Variants in MOCOS observed in about 807,000 individuals in gnomAD.
The protein encoded by MOCOS is molybdenum cofactor sulfurase, also known as human molybdenum cofactor sulfurase.
In MOCOS, 86 loss-of-function variants were observed where a neutral mutation model predicts 83.6. That is an observed-to-expected ratio of 1.03 (90% confidence interval 0.86 to 1.23). The LOEUF is 1.23. MOCOS is among the 50% of genes most tolerant of loss of function. MOCOS has a pLI of 0.00. For synonymous variants in MOCOS, 445 were observed against 434.7 expected (o/e 1.02, Z -0.29); for missense variants, 1,120 against 1,126.9 (o/e 0.99, Z 0.09).
chr18:36,224,716 G>C (rs955882408), intron 9 of MOCOS, among the ~76,000 whole-genome samples: 2 of 152,164 alleles, frequency 1.3e-5, no homozygotes, highest in Non-Finnish European at 2.9e-5. Context: ...ATTCGTCAGG[G>C]ATATTGGCCT....
In MOCOS at chr18:36,187,510, C is replaced by A. The variant is rs745439120; in HGVS notation, c.-30C>A. On this transcript the variant is annotated 5_prime_UTR_variant, in exon 1 of 15. Transcript: ENST00000261326. ...GGCCGGCTTCGCGCACTTCCCGGGC[C>A]CGGCCGGCCTGGATGGACTAGCCGG... The A allele has an allele frequency of 8.1e-7, 1 of 1,228,786 alleles. No individual in the cohort carries two copies. The highest frequency in any genetic ancestry group is 1.0e-6 in the Non-Finnish European group (1 of 985,488). The allele number at this position is 1,228,786 out of a possible 1,614,324, so 76.1% of individuals were successfully genotyped here. A position where few individuals can be genotyped will look rare whatever the true frequency, so the allele number is the denominator to read the frequency against.
In MOCOS at chr18:36,215,944, T is replaced by C. The variant is rs2091475156; in HGVS notation, c.1764T>C (p.Tyr588=). ...GGCCACATGTTGTCACTAACCTTTA[T>C]CTCTATCCAATCAAATCCTGTGCTG... ...ALGPHVVTNL[Y]LYPIKSCAAF... Residue 588 remains tyrosine, a synonymous_variant, in exon 8 of 15, where the codon TAT becomes TAC. Transcript: ENST00000261326. The C allele has an allele frequency of 6.2e-7, 1 of 1,613,560 alleles. No individual in the cohort carries two copies. Among genetic ancestry groups the C allele is most frequent in the South Asian group, 1.1e-5 (1 of 91,078 alleles).
intron 13 of MOCOS, 29 bp downstream of exon 13, chr18:36,260,204 C>A (rs1401878863): frequency 4.3e-6 from 7 of 1,613,826 alleles, no homozygotes; most frequent in Non-Finnish European, 5.9e-6. Flanking sequence ...TATTATCCTT[C>A]CTCCAGGGTT....
chr18:36,219,027 C>A (rs930960247), intron 8 of MOCOS, among the ~76,000 whole-genome samples: 15 of 150,430 alleles, frequency 1.0e-4, no homozygotes, highest in Non-Finnish European at 1.8e-4. Context: ...TGCCATCAAG[C>A]CCGGCTAATT....
In MOCOS at chr18:36,251,239, A is replaced by T. The variant is rs1452284384; in HGVS notation, c.2120A>T (p.Gln707Leu). The T allele has an allele frequency of 1.4e-5, 23 of 1,614,024 alleles. No homozygotes were observed. Among genetic ancestry groups the T allele is most frequent in the Non-Finnish European group, 1.9e-5 (23 of 1,179,966 alleles). The change falls in exon 11 of 15, where the codon CAA becomes CTA. Residue 707 changes from glutamine (Q) to leucine (L), a missense_variant. Physicochemically the swap from Gln to Leu is moderately radical, Grantham distance 113 (BLOSUM62 -2). Coordinates refer to ENST00000261326, the MANE Select transcript of MOCOS (RefSeq NM_017947.4). ...GGCCGTCCTTGTCATTTGATCAAAC[A>T]AAGTTCAAACTCTCAAAGGAATGCA... ...FFGRPCHLIK[Q>L]SSNSQRNAKK...
rs923318599 is a variant in MOCOS at position 36,231,795 on chromosome 18, C to A, written c.1960+11578C>A. On this transcript the variant is annotated intron_variant, in intron 9 of 14. Transcript: ENST00000261326. Reference sequence around the variant, plus strand: ...AATAATTTACAGAGTGTCCCTGGGGCCTTGGATGTGATCGCCCCCATTCAG... The same window carrying A: ...AATAATTTACAGAGTGTCCCTGGGGACTTGGATGTGATCGCCCCCATTCAG... 1.1e-4 allele frequency among the ~76,000 whole-genome samples: 16 copies of A among 152,134 alleles called. 1 individual carries two copies. The highest frequency in any genetic ancestry group is 2.1e-4 in the Non-Finnish European group (14 of 68,030).
Position 36,213,404 on chromosome 18 carries a change from A to T in MOCOS, c.1257A>T (p.Arg419=). ...CCAGTCTTTACAACATCCACCTGCG[A>T]ACTGGCTGCTTCTGTAACACTGGGG... is the stretch of plus-strand genomic sequence containing the variant. The part of the protein sequence containing the change: ...KMASLYNIHL[R]TGCFCNTGAC... The change falls in exon 7 of 15, where the codon CGA becomes CGT. Residue 419 remains arginine (R), a synonymous_variant. Transcript: ENST00000261326. 1.2e-6 allele frequency: 2 copies of T among 1,614,164 alleles called. No individual in the cohort carries two copies. The highest frequency in any genetic ancestry group is 8.5e-7 in the Non-Finnish European group (1 of 1,180,024).
At chr18:36,254,547 C>G (rs2091634791) in intron 11 of MOCOS, among the ~76,000 whole-genome samples, 1 of 140,340 alleles carries the variant, frequency 7.1e-6, no homozygotes. Context: ...ACAAACTGTC[C>G]TTTAATAGTC....
intron 12 of MOCOS, among the ~76,000 whole-genome samples, chr18:36,259,550 A>AC (rs1156362165): frequency 8.2e-5 from 8 of 97,992 alleles, no homozygotes; most frequent in South Asian, 3.3e-4. Flanking sequence ...ATGTTTTAAT[A>AC]CCCAAAAAAA....
At position 36,256,441 on chromosome 18, in the gene MOCOS, TA is replaced by T. The variant is rs2091641838; in HGVS notation, c.2165-526del. Among the ~76,000 whole-genome samples the T allele has an allele frequency of 3.9e-5, 6 of 152,270 alleles. No homozygotes were observed. The South Asian group carries it at 1.2e-3, about 32-fold the overall frequency. Reference sequence around the variant, plus strand: ...AATTTCATCTCAGCATTTTTCATTTTATTTTTTTAATTTTCTAAATTTTTTT... The same window carrying T: ...AATTTCATCTCAGCATTTTTCATTTTTTTTTTTAATTTTCTAAATTTTTTT... On this transcript the variant is annotated intron_variant, in intron 11 of 14. Transcript: ENST00000261326.
chr18:36,251,313 A>C (rs1357246082), intron 11 of MOCOS, 30 bp downstream of exon 11: 1 of 1,612,408 alleles, frequency 6.2e-7, no homozygotes, highest in Non-Finnish European at 8.5e-7. Context: ...TTCGTAGAGA[A>C]CAGGAACCCT....
intron 10 of MOCOS, among the ~76,000 whole-genome samples, chr18:36,249,456 A>G (rs2091614359): frequency 6.6e-6 from 1 of 152,136 alleles, no homozygotes; most frequent in Admixed American, 6.6e-5. Context: ...TAGAATGCCC[A>G]TGTTGTTCCC....
intron 9 of MOCOS, among the ~76,000 whole-genome samples, chr18:36,240,048 C>G (rs1203082533): frequency 8.4e-6 from 1 of 119,470 alleles, no homozygotes; most frequent in Non-Finnish European, 1.7e-5. Flanking sequence ...AAATTTTTTT[C>G]AAAGTTTTCA....
At chr18:36,267,871 G>A (rs983802789) in intron 14 of MOCOS, among the ~76,000 whole-genome samples, 7 of 152,216 alleles carry the variant, frequency 4.6e-5, no homozygotes, top group Admixed American at 3.9e-4. Context: ...CAGTGAGAGT[G>A]CAGAGGCTGC....
chr18:36,195,334 G>C lies in MOCOS; in HGVS notation c.220G>C (p.Glu74Gln). Residue 74 changes from glutamate to glutamine, a missense_variant, in exon 2 of 15, where the codon GAA becomes CAA. Physicochemically the swap from Glu to Gln is conservative, Grantham distance 29. Coordinates refer to ENST00000261326, the MANE Select transcript of MOCOS (RefSeq NM_017947.4). Reference sequence around the variant, plus strand: ...CGAAAGCTTCACTAGTGATCTCATGGAAAACACTTATGGTAAAGAAAAACA... The same window carrying C: ...CGAAAGCTTCACTAGTGATCTCATGCAAAACACTTATGGTAAAGAAAAACA... ...QLESFTSDLM[E>Q]NTYGNPHSQN... 1 of 1,613,956 alleles carries C rather than the reference G, an allele frequency of 6.2e-7. No individual in the cohort carries two copies.
intron 5 of MOCOS, 39 bp from the exon 6 acceptor site, chr18:36,205,038 A>G (rs182113417): frequency 1.7e-6 from 2 of 1,147,072 alleles, no homozygotes; most frequent in East Asian, 2.5e-5. Flanking sequence ...GAATTTACAT[A>G]AAGCTCATGA....
At chr18:36,265,745 A>G (rs962888763) in intron 13 of MOCOS, among the ~76,000 whole-genome samples, 10 of 88,512 alleles carry the variant, frequency 1.1e-4, no homozygotes, top group African/African-American at 4.2e-4. Flanking sequence ...GTATGGATAT[A>G]TATATATATA....
intron 1 of MOCOS, among the ~76,000 whole-genome samples, chr18:36,187,947 G>A (rs940237787): frequency 6.6e-6 from 1 of 152,246 alleles, no homozygotes; most frequent in Non-Finnish European, 1.5e-5. Flanking sequence ...CCCTCCGCGA[G>A]CGGGGCTTAG....
rs118102998 is a variant in MOCOS at position 36,208,478 on chromosome 18, C to T, written c.1218+3202C>T. Among the ~76,000 whole-genome samples the T allele has an allele frequency of 5.5e-3, 839 of 152,066 alleles. 6 individuals carry two copies. Among genetic ancestry groups the T allele is most frequent in the Middle Eastern group, 0.01 (3 of 294 alleles). On this transcript the variant is annotated intron_variant, in intron 6 of 14. Transcript: ENST00000261326. ...TTGTGTGGTGTGTGATTTCTTTTAG[C>T]GGTATTCTGTAATTCTCATTGTAGA...
Sources: allele counts gnomAD v4.1 joint callset (sites outside exome capture counted in the v4.1 genomes callset), GRCh38; gene constraint gnomAD v4.1.1; transcripts MANE v1.5; gene names NCBI Gene and HGNC (gene_info 2026-07-23, HGNC 2026-07-21).